Variants in BACH2 observed in about 807,000 individuals in gnomAD.
BACH2 encodes the protein transcription regulator protein BACH2.
A neutral mutation model predicts 61.8 loss-of-function variants in BACH2; 5 were observed. The ratio of observed to expected loss-of-function variants is 0.08; its 90% confidence interval spans 0.04 to 0.17. The LOEUF is 0.17. BACH2 is among the 10% of genes least tolerant of loss of function. BACH2 has a pLI of 1.00. For synonymous variants in BACH2, 446 were observed against 440.1 expected (o/e 1.01, Z -0.17); for missense variants, 824 against 1,091.1 (o/e 0.76, Z 3.45).
chr6:90,003,975 T>G (rs1332764232), intron 6 of BACH2, among the ~76,000 whole-genome samples: 1 of 152,204 alleles, frequency 6.6e-6, no homozygotes, highest in Non-Finnish European at 1.5e-5. Flanking sequence ...TGTCACCCTG[T>G]GCTGTGGCGT....
chr6:89,960,489 GT>G lies in BACH2; in HGVS notation c.244-8628del, dbSNP rs1326873091. On this transcript the variant is annotated intron_variant, in intron 6 of 8. Coordinates refer to ENST00000257749, the MANE Select transcript of BACH2 (RefSeq NM_021813.4). ...ATTTTATTACTCTCTCTAAAATATT[GT>G]TTTATATAGCTCTATCCAAAGAAGT... 7.2e-5 allele frequency among the ~76,000 whole-genome samples: 11 copies of G among 152,320 alleles called. No individual in the cohort carries two copies. The South Asian group carries it at 1.2e-3, about 17-fold the overall frequency.
chr6:90,276,879 T>C (rs1771712332), intron 1 of BACH2, among the ~76,000 whole-genome samples: 3 of 152,206 alleles, frequency 2.0e-5, no homozygotes, highest in Admixed American at 2.0e-4. Context: ...CTGAGTGATA[T>C]AACGTCAGTA....
chr6:89,935,404 G>A (rs1391065767), intron 8 of BACH2, among the ~76,000 whole-genome samples: 5 of 152,116 alleles, frequency 3.3e-5, no homozygotes, highest in Admixed American at 2.0e-4. Flanking sequence ...ACATTACCCC[G>A]GCCAAAGCAC....
chr6:90,208,043 C>CA (rs896202323), intron 3 of BACH2, among the ~76,000 whole-genome samples: 4 of 151,294 alleles, frequency 2.6e-5, no homozygotes, highest in East Asian at 1.9e-4. Flanking sequence ...ATACAGATTC[C>CA]AAAAAAAATA....
chr6:90,215,466 G>C (rs956593510), intron 3 of BACH2, among the ~76,000 whole-genome samples: 1 of 152,050 alleles, frequency 6.6e-6, no homozygotes, highest in African/African-American at 2.4e-5. Flanking sequence ...ATGTCTTCTG[G>C]CACCTAAGAA....
At chr6:90,120,414 T>G (rs982503470) in intron 4 of BACH2, among the ~76,000 whole-genome samples, 1 of 152,184 alleles carries the variant, frequency 6.6e-6, no homozygotes, top group Non-Finnish European at 1.5e-5. Context: ...AAATAAACCA[T>G]TAGGAAAATC....
intron 4 of BACH2, among the ~76,000 whole-genome samples, chr6:90,191,560 A>T (rs1768573544): frequency 6.6e-6 from 1 of 152,226 alleles, no homozygotes; most frequent in African/African-American, 2.4e-5. Flanking sequence ...ACGGAATGGA[A>T]ACGTGCATGG....
intron 4 of BACH2, among the ~76,000 whole-genome samples, chr6:90,114,346 G>A (rs1404594414): frequency 6.6e-6 from 1 of 152,162 alleles, no homozygotes; most frequent in Non-Finnish European, 1.5e-5. Context: ...TCCCTCGGAT[G>A]CAGGGTTGGT....
At chr6:90,100,229 T>C (rs767458387) in intron 4 of BACH2, among the ~76,000 whole-genome samples, 2 of 152,244 alleles carry the variant, frequency 1.3e-5, no homozygotes, top group Non-Finnish European at 2.9e-5. Flanking sequence ...TGAATAATGC[T>C]GCCAAGAACA....
intron 3 of BACH2, among the ~76,000 whole-genome samples, chr6:90,225,493 C>T (rs1391045053): frequency 3.3e-5 from 5 of 152,034 alleles, no homozygotes; most frequent in East Asian, 1.9e-4. Context: ...TAACAGGTGA[C>T]AGGTGCACTG....
At chr6:90,104,325 T>A (rs1183128370) in intron 4 of BACH2, 1 of 152,134 alleles carries the variant, frequency 6.6e-6, no homozygotes, top group Non-Finnish European at 1.5e-5. Context: ...GCAAAATACT[T>A]TACTGAAACC....
At chr6:90,210,329 AC>A (rs1769301286) in intron 3 of BACH2, among the ~76,000 whole-genome samples, 1 of 151,784 alleles carries the variant, frequency 6.6e-6, no homozygotes, top group South Asian at 2.1e-4. Context: ...ACACACACAC[AC>A]ACACACACAC....
At chr6:90,159,325 ATTTGAT>A (rs1440559783) in intron 4 of BACH2, among the ~76,000 whole-genome samples, 1 of 152,238 alleles carries the variant, frequency 6.6e-6, no homozygotes, top group Non-Finnish European at 1.5e-5. Flanking sequence ...TGCACAGCTG[ATTTGAT>A]TTTAAGACAA....
intron 5 of BACH2, among the ~76,000 whole-genome samples, chr6:90,022,666 G>A (rs1241078919): frequency 6.6e-6 from 1 of 152,208 alleles, no homozygotes; most frequent in Non-Finnish European, 1.5e-5. Flanking sequence ...AGAAATATTA[G>A]AATGTTGGTA....
At chr6:89,942,230 G>A (rs1206031537) in intron 7 of BACH2, among the ~76,000 whole-genome samples, 1 of 152,148 alleles carries the variant, frequency 6.6e-6, no homozygotes, top group Non-Finnish European at 1.5e-5. Context: ...CATCCAAGTT[G>A]TTTCTTGAGT....
At chr6:90,097,325 CT>C (rs1782421203) in intron 4 of BACH2, among the ~76,000 whole-genome samples, 1 of 152,086 alleles carries the variant, frequency 6.6e-6, no homozygotes, top group Non-Finnish European at 1.5e-5. Context: ...TGAAAGGGAC[CT>C]TGGAGATCAC....
intron 6 of BACH2, among the ~76,000 whole-genome samples, chr6:89,997,604 G>A (rs1434887062): frequency 1.3e-5 from 2 of 152,214 alleles, no homozygotes; most frequent in African/African-American, 4.8e-5. Flanking sequence ...TCTTTATAGA[G>A]CAAGACGCTT....
chr6:90,197,777 T>C (rs980177106), intron 4 of BACH2, among the ~76,000 whole-genome samples: 2 of 152,170 alleles, frequency 1.3e-5, no homozygotes, highest in African/African-American at 2.4e-5. Context: ...GGGCAGTCCA[T>C]TGGTTTGGGG....
At chr6:90,009,963 C>T (rs1777619608) in intron 5 of BACH2, among the ~76,000 whole-genome samples, 1 of 152,184 alleles carries the variant, frequency 6.6e-6, no homozygotes, top group Admixed American at 6.5e-5. Flanking sequence ...CTGTGCCTGG[C>T]CCCGCTGAGG....
Sources: allele counts gnomAD v4.1 joint callset (sites outside exome capture counted in the v4.1 genomes callset), GRCh38; gene constraint gnomAD v4.1.1; transcripts MANE v1.5; gene names NCBI Gene and HGNC (gene_info 2026-07-23, HGNC 2026-07-21).